Variants in TNRC18 observed in about 807,000 individuals in gnomAD.
The protein encoded by TNRC18 is trinucleotide repeat containing 18.
TNRC18 carries 69 observed loss-of-function variants against 226.7 expected under a neutral mutation model. The ratio of observed to expected loss-of-function variants is 0.30; its 90% CI spans 0.25 to 0.37. TNRC18 has a LOEUF of 0.37. Ranked by LOEUF, TNRC18 falls within the 10% of genes least tolerant of loss-of-function variation. TNRC18 has a pLI of 1.00. For synonymous variants in TNRC18, 2,449 were observed against 1,927.6 expected, an observed-to-expected ratio of 1.27 and a Z score of -7.09; for missense variants, 4,754 against 4,256.6, an observed-to-expected ratio of 1.12 and a Z score of -3.25.
At chr7:5,366,750 TAA>T (rs1182957111) in intron 11 of TNRC18, among the ~76,000 whole-genome samples, 2 of 152,168 alleles carry the variant, frequency 1.3e-5, no homozygotes, top group Non-Finnish European at 2.9e-5. Flanking sequence ...CTGCGAGACT[TAA>T]GAGTCTACAA....
At chr7:5,343,797 C>T (rs576864060) in intron 18 of TNRC18, among the ~76,000 whole-genome samples, 24 of 152,154 alleles carry the variant, frequency 1.6e-4, no homozygotes, top group Non-Finnish European at 2.6e-4. Context: ...ACTTAATAGG[C>T]AACAGTATAG....
At chr7:5,395,243 G>T (rs908511408) in intron 2 of TNRC18, among the ~76,000 whole-genome samples, 18 of 152,246 alleles carry the variant, frequency 1.2e-4, no homozygotes, top group African/African-American at 4.3e-4. Flanking sequence ...CCGAGCCACA[G>T]TGGCTTAGGG....
At chr7:5,393,479 C>T (rs894510174) in intron 3 of TNRC18, among the ~76,000 whole-genome samples, 6 of 152,236 alleles carry the variant, frequency 3.9e-5, no homozygotes, top group Admixed American at 2.0e-4. Context: ...TTCGGGATGA[C>T]GGTCAGACCT....
At chr7:5,408,774 C>A (rs1038906479) in intron 2 of TNRC18, among the ~76,000 whole-genome samples, 10 of 152,306 alleles carry the variant, frequency 6.6e-5, no homozygotes, top group South Asian at 4.1e-4. Context: ...ACCAGCAATT[C>A]TGGAGACTGA....
rs548825176 is a variant in TNRC18, at chr7:5,331,056, A to T, written c.6147+1566T>A. Among the ~76,000 whole-genome samples the T allele has an allele frequency of 3.3e-5, 5 of 152,320 alleles. No individual in the cohort carries two copies. The South Asian group carries it at 1.0e-3, about 32-fold the overall frequency. ...ACCTGAGATGGCCTCTGCCACCAGGAGACAAGAGCACAAATCCAAGGTGCC... is the reference window on the plus strand; with the variant it reads ...ACCTGAGATGGCCTCTGCCACCAGGTGACAAGAGCACAAATCCAAGGTGCC... On this transcript the variant is annotated intron_variant, in intron 19 of 29. Coordinates refer to ENST00000430969, the MANE Select transcript of TNRC18 (RefSeq NM_001080495.3).
intron 2 of TNRC18, among the ~76,000 whole-genome samples, chr7:5,396,206 G>A (rs1232583246): frequency 2.0e-5 from 3 of 151,300 alleles, no homozygotes; most frequent in African/African-American, 7.3e-5. Context: ...AAATTAGCTG[G>A]GCGTGGTGGC....
At chr7:5,350,835 G>A (rs1791721083) in intron 17 of TNRC18, among the ~76,000 whole-genome samples, 1 of 152,152 alleles carries the variant, frequency 6.6e-6, no homozygotes, top group Non-Finnish European at 1.5e-5. Context: ...TCTCCAAACA[G>A]AGCACGATGC....
rs370925793 is a variant in TNRC18 at position 5,377,906 on chromosome 7, C to G, written c.2255+16G>C. The G allele has an allele frequency of 2.5e-6, 4 of 1,611,880 alleles. No individual in the cohort carries two copies. The highest frequency in any genetic ancestry group is 1.3e-5 in the African/African-American group (1 of 74,998). ...TAGATACCCCCTAGACCCTCAGGATCCCCCGACACCCTCACCTGAGCAGCT... is the reference window on the plus strand; with the variant it reads ...TAGATACCCCCTAGACCCTCAGGATGCCCCGACACCCTCACCTGAGCAGCT... On this transcript the variant is annotated intron_variant, in intron 6 of 29. Coordinates refer to ENST00000430969, the MANE Select transcript of TNRC18 (RefSeq NM_001080495.3). This position sits in a 1 kb window ranked among gnomAD's most constrained non-coding sequence, Gnocchi z 5.8.
chr7:5,421,281 G>T lies in TNRC18; in HGVS notation c.-35C>A. 7.9e-7 allele frequency: 1 copy of T among 1,268,544 alleles called. No homozygotes were observed. 78.6% of individuals were successfully genotyped at this position (1,268,544 alleles called of 1,614,324 possible). ...GAGTGCCGCGATCAGCCCCCCACCC[G>T]GCCCGCAGGCCTAGCTCAGTGGGAC... On this transcript the variant is annotated 5_prime_UTR_variant, in exon 2 of 30. Coordinates refer to ENST00000430969, the MANE Select transcript of TNRC18 (RefSeq NM_001080495.3).
chr7:5,356,645 G>T (rs541763906), intron 16 of TNRC18, among the ~76,000 whole-genome samples: 1 of 152,170 alleles, frequency 6.6e-6, no homozygotes. Context: ...GGCGGAGGTC[G>T]GCTCCCAACC....
intron 2 of TNRC18, among the ~76,000 whole-genome samples, chr7:5,412,017 T>C (rs955688529): frequency 6.6e-6 from 1 of 151,854 alleles, no homozygotes; most frequent in African/African-American, 2.4e-5. Flanking sequence ...AGAGACCCCA[T>C]GTCTAAAAAA....
chr7:5,349,920 C>G (rs1452922213), intron 17 of TNRC18, among the ~76,000 whole-genome samples: 1 of 152,138 alleles, frequency 6.6e-6, no homozygotes, highest in Non-Finnish European at 1.5e-5. Flanking sequence ...GCCTGGGCCT[C>G]CCCCGCCTCC....
At chr7:5,327,277 A>C (rs1562496833) in intron 19 of TNRC18, among the ~76,000 whole-genome samples, 1 of 152,376 alleles carries the variant, frequency 6.6e-6, no homozygotes, top group South Asian at 2.1e-4. Context: ...AGCAGAGAGC[A>C]TTAAAAGAAA....
Position 5,321,065 on chromosome 7 carries a change from C to T in TNRC18, c.6560+8G>A. 2 of 1,533,212 alleles carry T rather than the reference C, an allele frequency of 1.3e-6. No homozygotes were observed. The highest frequency in any genetic ancestry group is 1.8e-6 in the Non-Finnish European group (2 of 1,133,336). 95.0% of individuals were successfully genotyped at this position (1,533,212 alleles called of 1,614,324 possible). A position where few individuals can be genotyped will look rare whatever the true frequency, so the allele number is the denominator to read the frequency against. On this transcript the variant is annotated splice_region_variant and intron_variant, in intron 22 of 29. Transcript: ENST00000430969. ...GGGGCTCTGTGCCGGACCTCCCACC[C>T]CACTCACATGTCTGGCGAGTGCACG...
intron 2 of TNRC18, among the ~76,000 whole-genome samples, chr7:5,417,660 T>TC (rs1782275607): frequency 6.6e-6 from 1 of 152,058 alleles, no homozygotes; most frequent in Non-Finnish European, 1.5e-5. Flanking sequence ...GCTGAGTAAA[T>TC]GAGCAAGTGA....
chr7:5,337,686 A>G (rs1422164671), intron 18 of TNRC18, among the ~76,000 whole-genome samples: 2 of 152,136 alleles, frequency 1.3e-5, no homozygotes, highest in African/African-American at 2.4e-5. Flanking sequence ...CATTTAAATG[A>G]TTAAAACTAA....
At chr7:5,345,480 TCA>T (rs1791082903) in intron 18 of TNRC18, 80 bp downstream of exon 18, 2 of 1,328,616 alleles carry the variant, frequency 1.5e-6, no homozygotes, top group East Asian at 5.1e-5. Flanking sequence ...TCTCTGAGCC[TCA>T]GTTTCCTCAC....
In TNRC18 at chr7:5,309,427, C is replaced by T. The variant is rs966833427; in HGVS notation, c.8389-59G>A. The T allele has an allele frequency of 1.4e-6, 2 of 1,461,326 alleles. No homozygotes were observed. The highest frequency in any genetic ancestry group is 1.9e-6 in the Non-Finnish European group (2 of 1,077,494). The allele number at this position is 1,461,326 out of a possible 1,614,324, so 90.5% of individuals were successfully genotyped here. A position where few individuals can be genotyped will look rare whatever the true frequency, so the allele number is the denominator to read the frequency against. On this transcript the variant is annotated intron_variant, in intron 27 of 29. Coordinates refer to ENST00000430969, the MANE Select transcript of TNRC18 (RefSeq NM_001080495.3). The surrounding 1 kb of genome is among the most constrained non-coding windows in gnomAD (Gnocchi z 5.7). Reference sequence around the variant, plus strand: ...GGCCCAGCCCCAAGGAGCCCGCCGCCTGGCAGGCTCTGCCGCTTGGGACTC... The same window carrying T: ...GGCCCAGCCCCAAGGAGCCCGCCGCTTGGCAGGCTCTGCCGCTTGGGACTC...
chr7:5,399,246 A>T (rs138476619), intron 2 of TNRC18, among the ~76,000 whole-genome samples: 206 of 152,236 alleles, frequency 1.4e-3, no homozygotes, highest in Non-Finnish European at 2.5e-3. Flanking sequence ...TGGCCTCTCG[A>T]AAGACTTGAC....
Sources: allele counts gnomAD v4.1 joint callset (sites outside exome capture counted in the v4.1 genomes callset), GRCh38; gene constraint gnomAD v4.1.1; non-coding constraint Gnocchi (gnomAD v3.1); transcripts MANE v1.5; gene names NCBI Gene and HGNC (gene_info 2026-07-23, HGNC 2026-07-21).